The following WDR47 variants were observed in gnomAD, a reference collection of about 807,000 sequenced individuals.
WDR47 encodes the protein WD repeat-containing protein 47.
A neutral mutation model predicts 97.2 loss-of-function variants in WDR47; 32 were observed. That is an observed-to-expected ratio of 0.33 (90% CI 0.25 to 0.44). The LOEUF (loss-of-function observed/expected upper bound fraction) is 0.44, where lower values mean the gene tolerates loss of function less well. WDR47 is among the 20% of genes least tolerant of loss of function. The pLI is 1.00. For synonymous variants in WDR47, 375 were observed against 373.5 expected, an observed-to-expected ratio of 1.00 and a Z score of -0.05; for missense variants, 782 against 1,102.3, an observed-to-expected ratio of 0.71 and a Z score of 4.11.
chr1:109,003,193 T>C (rs1488350676), intron 6 of WDR47, among the ~76,000 whole-genome samples: 1 of 152,192 alleles, frequency 6.6e-6, no homozygotes, highest in Non-Finnish European at 1.5e-5. Flanking sequence ...TCAAGTCCTC[T>C]ATATCCTTAT....
chr1:109,012,572 C>CAAAAAAAAAAA lies in WDR47; in HGVS notation c.328-865_328-855dup, dbSNP rs57237933. 1.0e-3 allele frequency among the ~76,000 whole-genome samples: 75 copies of CAAAAAAAAAAA among 73,800 alleles called. 1 individual carries two copies. The highest frequency in any genetic ancestry group is 1.1e-3 in the Non-Finnish European group (48 of 41,784). The allele number at this position is 73,800 out of a possible 152,430, so 48.4% of individuals were successfully genotyped here. On this transcript the variant is annotated intron_variant, in intron 4 of 14. Transcript: ENST00000369962. ...TGGGTGACAGTGTGAGACTCCATCT[C>CAAAAAAAAAAA]AAAAAAAAAAAAAAAAAACAGAAAG...
chr1:108,997,774 A>G (rs1007462842), intron 7 of WDR47, among the ~76,000 whole-genome samples: 1 of 149,356 alleles, frequency 6.7e-6, no homozygotes, highest in African/African-American at 2.5e-5. Context: ...AAAAAAAAAA[A>G]AAGAAAGAAG....
chr1:109,010,805 A>G (rs1660984041), intron 5 of WDR47, 111 bp downstream of exon 5: 1 of 1,051,584 alleles, frequency 9.5e-7, no homozygotes, highest in African/African-American at 1.6e-5. Context: ...GATGGTCTCA[A>G]TCTCCTGACC....
At chr1:109,002,991 C>T (rs560511472) in intron 6 of WDR47, among the ~76,000 whole-genome samples, 1 of 152,276 alleles carries the variant, frequency 6.6e-6, no homozygotes, top group East Asian at 1.9e-4. Context: ...GAGTATCCAC[C>T]TAAAGGAAAA....
chr1:109,036,060 T>G (rs1196829287), intron 1 of WDR47, among the ~76,000 whole-genome samples: 1 of 152,128 alleles, frequency 6.6e-6, no homozygotes, highest in Non-Finnish European at 1.5e-5. Flanking sequence ...GGATTAGATC[T>G]CAAAGGTTTT....
chr1:108,991,131 G>T (rs1659315364), intron 9 of WDR47, 123 bp downstream of exon 9: 2 of 761,174 alleles, frequency 2.6e-6, no homozygotes, highest in Non-Finnish European at 2.1e-6. Context: ...TTCTGCCTCG[G>T]CCTCCTGGGT....
chr1:108,987,763 T>G (rs1346561825), intron 9 of WDR47, among the ~76,000 whole-genome samples: 1 of 151,822 alleles, frequency 6.6e-6, no homozygotes, highest in Non-Finnish European at 1.5e-5. Context: ...CCACCGCACC[T>G]GGTTCCAGCC....
At position 109,030,997 on chromosome 1, in the gene WDR47, C is replaced by T. The variant is rs1055896576; in HGVS notation, c.-9-7476G>A. 7.2e-5 allele frequency among the ~76,000 whole-genome samples: 10 copies of T among 139,658 alleles called. 2 individuals are homozygous for T. Among genetic ancestry groups the T allele is most frequent in the Middle Eastern group, 3.3e-3 (1 of 304 alleles). 91.6% of individuals were successfully genotyped at this position (139,658 alleles called of 152,430 possible). ...AAGTTTTATAATTTGCTTTAACTTA[C>T]ATTTCAATATCAGAAAGTACATATT... is the stretch of plus-strand genomic sequence containing the variant. On this transcript the variant is annotated intron_variant, in intron 1 of 14. Coordinates refer to ENST00000369962, the MANE Select transcript of WDR47 (RefSeq NM_001142551.2).
intron 1 of WDR47, among the ~76,000 whole-genome samples, chr1:109,027,062 ATTT>A (rs922665124): frequency 6.8e-6 from 1 of 147,992 alleles, no homozygotes; most frequent in Non-Finnish European, 1.5e-5. Flanking sequence ...CCAACACAGA[ATTT>A]TTTTTTTTTA....
rs370990820 is a variant in WDR47, at chr1:108,991,285, G to A, written c.1736C>T (p.Pro579Leu). Residue 579 changes from proline (P) to leucine (L), a missense_variant, in exon 9 of 15, where the codon CCA becomes CTA. Physicochemically the swap from Pro to Leu is moderately conservative, Grantham distance 98. Coordinates refer to ENST00000369962, the MANE Select transcript of WDR47 (RefSeq NM_001142551.2). The part of the protein sequence containing the change: ...SVIKPPLGDS[P>L]GSLSRSKGEE... Reference sequence around the variant, plus strand: ...CCCTTTCGACCTTGAAAGACTCCCTGGAGAATCTCCAAGAGGTGGCTTAAT... The same window carrying A: ...CCCTTTCGACCTTGAAAGACTCCCTAGAGAATCTCCAAGAGGTGGCTTAAT... 2.5e-6 allele frequency: 4 copies of A among 1,612,916 alleles called. No individual in the cohort carries two copies. Among genetic ancestry groups the A allele is most frequent in the Admixed American group, 1.7e-5 (1 of 59,980 alleles).
intron 12 of WDR47, 128 bp downstream of exon 12, chr1:108,982,481 G>A (rs1658422207): frequency 2.7e-6 from 3 of 1,123,028 alleles, no homozygotes; most frequent in African/African-American, 1.6e-5. Flanking sequence ...GCAGTGAGCT[G>A]TGATTGTGCC....
chr1:108,981,942 G>A (rs1046504196), intron 12 of WDR47, 78 bp from the exon 13 acceptor site: 9 of 1,480,556 alleles, frequency 6.1e-6, no homozygotes, highest in Non-Finnish European at 8.2e-6. Flanking sequence ...GCACTCTAGA[G>A]TTGGGCAAGG....
intron 1 of WDR47, among the ~76,000 whole-genome samples, chr1:109,031,787 CT>C (rs1662618283): frequency 9.2e-6 from 1 of 108,624 alleles, no homozygotes; most frequent in African/African-American, 3.2e-5. Flanking sequence ...TCATTTCAAT[CT>C]TTCTTTCTTT....
rs543430104 is a variant in WDR47 at position 109,006,375 on chromosome 1, A to G, written c.1131-1660T>C. ...GCCATTGCAGTCCAGCCTGGGCAATAAGAGCTAGACTCCGTTTCAAAAACA... is the reference window on the plus strand; with the variant it reads ...GCCATTGCAGTCCAGCCTGGGCAATGAGAGCTAGACTCCGTTTCAAAAACA... On this transcript the variant is annotated intron_variant, in intron 5 of 14. Coordinates refer to ENST00000369962, the MANE Select transcript of WDR47 (RefSeq NM_001142551.2). Among the ~76,000 whole-genome samples the G allele has an allele frequency of 2.6e-5, 4 of 152,302 alleles. No individual in the cohort carries two copies. The East Asian group carries it at 7.7e-4, about 29-fold the overall frequency.
chr1:108,985,475 C>A (rs954121760), intron 10 of WDR47, among the ~76,000 whole-genome samples: 12 of 152,170 alleles, frequency 7.9e-5, no homozygotes, highest in African/African-American at 2.4e-4. Flanking sequence ...TCTCACAGCA[C>A]GTTGTAATCT....
At chr1:109,019,092 G>T (rs1661631833) in intron 2 of WDR47, among the ~76,000 whole-genome samples, 1 of 151,874 alleles carries the variant, frequency 6.6e-6, no homozygotes, top group Non-Finnish European at 1.5e-5. Context: ...AAAGTAAAAA[G>T]AATTTTAAAA....
chr1:109,041,112 C>T (rs1663322553), intron 1 of WDR47, among the ~76,000 whole-genome samples: 1 of 152,134 alleles, frequency 6.6e-6, no homozygotes, highest in African/African-American at 2.4e-5. Context: ...AATGCCGCCC[C>T]GGCCTACCCT....
chr1:108,991,196 T>G (rs1659321495), intron 9 of WDR47, 58 bp downstream of exon 9: 12 of 1,519,566 alleles, frequency 7.9e-6, no homozygotes, highest in Non-Finnish European at 1.1e-5. Context: ...TGAAAATTTC[T>G]TAGCAAAATT....
Position 109,023,520 on chromosome 1 carries a change from G to A in WDR47, c.-8C>T, listed in dbSNP as rs1158300446. The A allele has an allele frequency of 1.4e-5, 23 of 1,607,850 alleles. No homozygotes were observed. Among genetic ancestry groups the A allele is most frequent in the Non-Finnish European group, 2.0e-5 (23 of 1,176,956 alleles). On this transcript the variant is annotated splice_region_variant and 5_prime_UTR_variant, in exon 2 of 15. Coordinates refer to ENST00000369962, the MANE Select transcript of WDR47 (RefSeq NM_001142551.2). ...TGTTTCTTCAGCCGTCATATTGATA[G>A]CCTAAATATGAAACAGAAAAACAAT...
Sources: gnomAD v4.1 joint callset for allele counts (sites outside exome capture counted in the v4.1 genomes callset) on GRCh38, gnomAD v4.1.1 for gene constraint, MANE v1.5 for transcripts, NCBI Gene and HGNC (gene_info 2026-07-23, HGNC 2026-07-21) for gene names.